NCOA1: variants seen among roughly 807,000 people sequenced by gnomAD.
NCOA1 encodes Hin-2 protein.
NCOA1 carries 35 observed loss-of-function variants against 150.9 expected under a neutral mutation model. That is an observed-to-expected ratio of 0.23 (90% confidence interval 0.18 to 0.31). NCOA1 has a LOEUF of 0.31. NCOA1 is among the 10% of genes least tolerant of loss of function. The probability of loss-of-function intolerance (pLI) is 1.00; values close to 1 mark genes in which losing one functional copy is unlikely to be tolerated. For missense variants in NCOA1, 1,491 were observed against 1,749.3 expected (o/e 0.85, Z 2.63); for synonymous variants, 590 against 630.0 (o/e 0.94, Z 0.95).
chr2:24,748,496 G>A (rs187140963), intron 19 of NCOA1, among the ~76,000 whole-genome samples: 1 of 151,838 alleles, frequency 6.6e-6, no homozygotes, highest in Admixed American at 6.6e-5. Flanking sequence ...TATAATGCCA[G>A]CTACTCGGGA....
intron 3 of NCOA1, among the ~76,000 whole-genome samples, chr2:24,634,845 A>G (rs1021783132): frequency 3.3e-5 from 5 of 151,832 alleles, no homozygotes; most frequent in African/African-American, 9.7e-5. Flanking sequence ...CCAACTGAGT[A>G]GCTGGGACTA....
intron 13 of NCOA1, among the ~76,000 whole-genome samples, chr2:24,710,380 T>C (rs1037933722): frequency 7.9e-5 from 12 of 152,132 alleles, no homozygotes; most frequent in African/African-American, 2.7e-4. Context: ...GTGTGAGCCA[T>C]GGCACCCGGC....
At position 24,570,051 on chromosome 2, in the gene NCOA1, C is replaced by CTT. The variant is rs71397440; in HGVS notation, c.-260+5640_-260+5641dup. ...AATTTCCAGCTTTAAGTGGTATATA[C>CTT]TTTTTTTTTTTTTTTTTTTTAGCAT... On this transcript the variant is annotated intron_variant, in intron 2 of 22. Coordinates refer to ENST00000348332, the MANE Select transcript of NCOA1 (RefSeq NM_003743.5). Among the ~76,000 whole-genome samples, 511 of 122,108 alleles carry CTT rather than the reference C, an allele frequency of 4.2e-3. 2 individuals carry two copies. Among genetic ancestry groups the CTT allele is most frequent in the Middle Eastern group, 0.032 (7 of 220 alleles). 80.1% of individuals were successfully genotyped at this position (122,108 alleles called of 152,430 possible).
At chr2:24,580,201 A>G (rs1229073157) in intron 2 of NCOA1, among the ~76,000 whole-genome samples, 1 of 152,146 alleles carries the variant, frequency 6.6e-6, no homozygotes, top group Non-Finnish European at 1.5e-5. Flanking sequence ...TTTAACTATG[A>G]TATGCTTTAA....
intron 3 of NCOA1, among the ~76,000 whole-genome samples, chr2:24,610,601 G>A (rs1007621531): frequency 6.6e-6 from 1 of 151,314 alleles, no homozygotes; most frequent in Non-Finnish European, 1.5e-5. Context: ...ATATTCTCTC[G>A]AGCTTTACTA....
Position 24,707,853 on chromosome 2 carries a change from A to C in NCOA1, c.2383A>C (p.Thr795Pro). The C allele has an allele frequency of 6.3e-7, 1 of 1,598,802 alleles. No homozygotes were observed. The change falls in exon 13 of 23, where the codon ACT becomes CCT. Residue 795 changes from threonine (T) to proline (P), a missense_variant. Transcript: ENST00000348332. Reference sequence around the variant, plus strand: ...AAACCCAACCCCAATGACCAAACCCACTCCTGAGGAAATAAAACTGGAGGC... The same window carrying C: ...AAACCCAACCCCAATGACCAAACCCCCTCCTGAGGAAATAAAACTGGAGGC... The part of the protein sequence containing the change: ...NTNPTPMTKP[T>P]PEEIKLEAQS...
chr2:24,746,020 A>G (rs1358862929), intron 19 of NCOA1, among the ~76,000 whole-genome samples: 1 of 152,178 alleles, frequency 6.6e-6, no homozygotes, highest in Non-Finnish European at 1.5e-5. Context: ...TCTTAAAACC[A>G]CTTGTTAACC....
intron 4 of NCOA1, among the ~76,000 whole-genome samples, chr2:24,656,067 G>A (rs538660573): frequency 4.2e-4 from 58 of 137,918 alleles, no homozygotes; most frequent in African/African-American, 1.4e-3. Context: ...CAGCCTGGGC[G>A]ACAGAGCGAG....
At chr2:24,596,071 T>G (rs186208645) in intron 3 of NCOA1, among the ~76,000 whole-genome samples, 42 of 152,192 alleles carry the variant, frequency 2.8e-4, no homozygotes, top group African/African-American at 1.0e-3. Flanking sequence ...AAAGATTTAT[T>G]GTGTGCCTGC....
At chr2:24,629,972 T>C (rs1273306666) in intron 3 of NCOA1, among the ~76,000 whole-genome samples, 2 of 150,766 alleles carry the variant, frequency 1.3e-5, no homozygotes, top group Non-Finnish European at 3.0e-5. Flanking sequence ...GCCTCCGGAG[T>C]AGCTGGGACT....
intron 1 of NCOA1, among the ~76,000 whole-genome samples, chr2:24,494,980 A>G (rs1663137272): frequency 6.6e-6 from 1 of 151,612 alleles, no homozygotes; most frequent in Non-Finnish European, 1.5e-5. Flanking sequence ...TTTTCTCTTT[A>G]TATTTTAGTT....
chr2:24,745,121 G>A (rs1301960551), intron 19 of NCOA1, among the ~76,000 whole-genome samples: 1 of 150,802 alleles, frequency 6.6e-6, no homozygotes, highest in African/African-American at 2.4e-5. Flanking sequence ...GAGTGTAAAA[G>A]AACAGAATCA....
chr2:24,515,296 G>A (rs1224992896), intron 1 of NCOA1, among the ~76,000 whole-genome samples: 1 of 151,982 alleles, frequency 6.6e-6, no homozygotes, highest in Non-Finnish European at 1.5e-5. Flanking sequence ...GCAGTGGCGC[G>A]ATCATGGCTC....
At chr2:24,500,802 T>C (rs886370982) in intron 1 of NCOA1, among the ~76,000 whole-genome samples, 1 of 152,142 alleles carries the variant, frequency 6.6e-6, no homozygotes, top group Non-Finnish European at 1.5e-5. Context: ...TTTGAGATAA[T>C]AGGGTAAGTT....
At chr2:24,695,529 AAACT>A (rs1558293834) in intron 10 of NCOA1, among the ~76,000 whole-genome samples, 1 of 152,222 alleles carries the variant, frequency 6.6e-6, no homozygotes, top group African/African-American at 2.4e-5. Flanking sequence ...TTAAAATGTA[AAACT>A]AACATTATAT....
chr2:24,764,485 A>G (rs1164412287), intron 22 of NCOA1, among the ~76,000 whole-genome samples: 1 of 152,230 alleles, frequency 6.6e-6, no homozygotes, highest in Non-Finnish European at 1.5e-5. Context: ...ACCAAGGCAA[A>G]GGGAAGGAAA....
chr2:24,572,505 G>C (rs971976842), intron 2 of NCOA1, among the ~76,000 whole-genome samples: 4 of 152,170 alleles, frequency 2.6e-5, no homozygotes, highest in African/African-American at 9.7e-5. Flanking sequence ...GAGGCACATA[G>C]CCTCTAGTAA....
At chr2:24,532,143 G>A (rs1377500655) in intron 1 of NCOA1, among the ~76,000 whole-genome samples, 3 of 152,082 alleles carry the variant, frequency 2.0e-5, no homozygotes, top group Admixed American at 6.6e-5. Context: ...TTTGATGATC[G>A]CCATTCTAAC....
chr2:24,579,644 C>T (rs1214200905), intron 2 of NCOA1, among the ~76,000 whole-genome samples: 1 of 152,110 alleles, frequency 6.6e-6, no homozygotes, highest in Non-Finnish European at 1.5e-5. Flanking sequence ...GCTTAGTAAG[C>T]AACACAAACC....
Sources: gnomAD v4.1 joint callset for allele counts (sites outside exome capture counted in the v4.1 genomes callset) on GRCh38, gnomAD v4.1.1 for gene constraint, MANE v1.5 for transcripts, NCBI Gene and HGNC (gene_info 2026-07-23, HGNC 2026-07-21) for gene names.